Variants in LRRC4C observed in about 807,000 individuals in gnomAD.
LRRC4C encodes the protein leucine-rich repeat-containing protein 4C.
In LRRC4C, 5 loss-of-function variants were observed where a neutral mutation model predicts 33.6. That is an observed-to-expected ratio of 0.15 (90% CI 0.08 to 0.31). LRRC4C has a LOEUF of 0.31. LRRC4C is among the 10% of genes least tolerant of loss of function. LRRC4C has a pLI of 1.00. For synonymous variants in LRRC4C, 329 were observed against 302.0 expected (o/e 1.09, Z -0.93); for missense variants, 560 against 796.7 (o/e 0.70, Z 3.58).
chr11:40,765,716 G>T (rs778080189), intron 2 of LRRC4C, among the ~76,000 whole-genome samples: 4 of 151,560 alleles, frequency 2.6e-5, no homozygotes, highest in Non-Finnish European at 5.9e-5. Flanking sequence ...CTTAACAGCA[G>T]AATTGATCAA....
At chr11:41,208,779 T>A (rs1162743906) in intron 1 of LRRC4C, among the ~76,000 whole-genome samples, 2 of 152,144 alleles carry the variant, frequency 1.3e-5, no homozygotes, top group African/African-American at 2.4e-5. Context: ...AAGTCTGTTT[T>A]CTCCTCAGCT....
chr11:41,298,788 C>A (rs999279644), intron 1 of LRRC4C, among the ~76,000 whole-genome samples: 1 of 152,058 alleles, frequency 6.6e-6, no homozygotes, highest in Non-Finnish European at 1.5e-5. Context: ...ATCTCCCACC[C>A]ACCCTTGCCC....
At chr11:40,272,469 G>T (rs774943471) in intron 4 of LRRC4C, among the ~76,000 whole-genome samples, 54 of 152,042 alleles carry the variant, frequency 3.6e-4, no homozygotes, top group Non-Finnish European at 6.0e-4. Context: ...TTTATTCTAA[G>T]AATCATCTAT....
rs138728531 is a variant in LRRC4C at position 41,044,902 on chromosome 11, T to C, written c.-495-111179A>G. On this transcript the variant is annotated intron_variant, in intron 1 of 6. Coordinates refer to ENST00000528697, the MANE Select transcript of LRRC4C (RefSeq NM_001258419.2). ...CAGAAAAGCCATGGGAGCATTGCAG[T>C]ACCAGGGATAAGTAGGGCAAAATGC... is the stretch of plus-strand genomic sequence containing the variant. Among the ~76,000 whole-genome samples the C allele has an allele frequency of 7.8e-3, 1,180 of 152,240 alleles. 26 individuals carry two copies. The highest frequency in any genetic ancestry group is 0.045 in the Admixed American group (689 of 15,272).
At chr11:40,747,176 C>T (rs1948470176) in intron 2 of LRRC4C, among the ~76,000 whole-genome samples, 1 of 151,988 alleles carries the variant, frequency 6.6e-6, no homozygotes, top group Non-Finnish European at 1.5e-5. Context: ...CATGCTCGGC[C>T]CATTGTTGCC....
At chr11:40,636,264 G>C (rs1463456195) in intron 3 of LRRC4C, among the ~76,000 whole-genome samples, 6 of 152,142 alleles carry the variant, frequency 3.9e-5, no homozygotes. Flanking sequence ...TGTGGAAACG[G>C]AGTACATGGA....
chr11:40,192,590 C>T (rs1459601300), intron 5 of LRRC4C, among the ~76,000 whole-genome samples: 1 of 152,158 alleles, frequency 6.6e-6, no homozygotes. Flanking sequence ...ACCTGGAACA[C>T]CAGCGAGACA....
rs76732554 is a variant in LRRC4C, at chr11:40,792,161, T to C, written c.-407+141474A>G. ...TATAGACTTTAGCCCTATTCTAGCA[T>C]TTGCTAATTTGATATTGAAGAAAAT... is the stretch of plus-strand genomic sequence containing the variant. On this transcript the variant is annotated intron_variant, in intron 2 of 6. Coordinates refer to ENST00000528697, the MANE Select transcript of LRRC4C (RefSeq NM_001258419.2). Among the ~76,000 whole-genome samples, 1,492 of 152,236 alleles carry C rather than the reference T, an allele frequency of 9.8e-3. 34 individuals are homozygous for C. The highest frequency in any genetic ancestry group is 0.034 in the African/African-American group (1,411 of 41,534).
intron 1 of LRRC4C, among the ~76,000 whole-genome samples, chr11:41,455,315 G>A (rs1052167752): frequency 6.6e-6 from 1 of 151,970 alleles, no homozygotes; most frequent in African/African-American, 2.4e-5. Flanking sequence ...CCAAGTCTGG[G>A]GAAGTCAAGT....
At chr11:41,341,878 C>A (rs1252101284) in intron 1 of LRRC4C, among the ~76,000 whole-genome samples, 1 of 152,098 alleles carries the variant, frequency 6.6e-6, no homozygotes, top group Admixed American at 6.6e-5. Context: ...TTGGCTTTGA[C>A]CAGGTAACTC....
At chr11:41,172,795 C>T (rs1003209209) in intron 1 of LRRC4C, among the ~76,000 whole-genome samples, 39 of 152,192 alleles carry the variant, frequency 2.6e-4, no homozygotes, top group African/African-American at 8.4e-4. Flanking sequence ...GTGATTAATG[C>T]AATTGATAGT....
At chr11:41,396,500 A>G (rs549655405) in intron 1 of LRRC4C, among the ~76,000 whole-genome samples, 1 of 152,088 alleles carries the variant, frequency 6.6e-6, no homozygotes, top group African/African-American at 2.4e-5. Flanking sequence ...TCTGCAATAT[A>G]ATCAGACAGG....
At chr11:41,274,689 T>C (rs938516541) in intron 1 of LRRC4C, among the ~76,000 whole-genome samples, 1 of 152,108 alleles carries the variant, frequency 6.6e-6, no homozygotes, top group Non-Finnish European at 1.5e-5. Flanking sequence ...AGTGGCAACC[T>C]GCTTGGGTCC....
At chr11:41,143,328 G>A (rs1227643057) in intron 1 of LRRC4C, among the ~76,000 whole-genome samples, 1 of 151,546 alleles carries the variant, frequency 6.6e-6, no homozygotes, top group Non-Finnish European at 1.5e-5. Context: ...TCAATTAAAG[G>A]ATCAGGAAAG....
intron 1 of LRRC4C, among the ~76,000 whole-genome samples, chr11:41,012,056 T>C (rs941544089): frequency 6.6e-6 from 1 of 151,788 alleles, no homozygotes; most frequent in African/African-American, 2.4e-5. Context: ...TCCATCATCA[T>C]AAATATTCAT....
At chr11:41,384,632 G>A (rs2137926674) in intron 1 of LRRC4C, among the ~76,000 whole-genome samples, 1 of 151,304 alleles carries the variant, frequency 6.6e-6, no homozygotes, top group East Asian at 2.0e-4. Flanking sequence ...CTGAAGACCA[G>A]ATAAAATATG....
intron 2 of LRRC4C, among the ~76,000 whole-genome samples, chr11:40,740,269 C>T (rs1161624168): frequency 6.6e-6 from 1 of 151,944 alleles, no homozygotes; most frequent in Non-Finnish European, 1.5e-5. Context: ...TAGCAATTTA[C>T]AGTCCCACCA....
chr11:40,591,439 C>T (rs1045797710), intron 3 of LRRC4C, among the ~76,000 whole-genome samples: 1 of 152,196 alleles, frequency 6.6e-6, no homozygotes, highest in Admixed American at 6.5e-5. Flanking sequence ...CACCCGTCTT[C>T]TGCATCACTC....
chr11:40,500,289 TATATACACACACACACAC>T (rs1370527422), intron 3 of LRRC4C, among the ~76,000 whole-genome samples: 8 of 83,612 alleles, frequency 9.6e-5, no homozygotes, highest in African/African-American at 3.8e-4. Context: ...TATATATATA[TATATACACACACACACAC>T]ACACACACAC....
Sources: gnomAD v4.1 joint callset for allele counts (sites outside exome capture counted in the v4.1 genomes callset) on GRCh38, gnomAD v4.1.1 for gene constraint, MANE v1.5 for transcripts, NCBI Gene and HGNC (gene_info 2026-07-23, HGNC 2026-07-21) for gene names.